LARP4B: variants seen among roughly 807,000 people sequenced by gnomAD.
LARP4B encodes la-related protein 4B.
A neutral mutation model predicts 89.8 loss-of-function variants in LARP4B; 12 were observed. That is an observed-to-expected ratio of 0.13 (90% CI 0.09 to 0.22). The LOEUF (loss-of-function observed/expected upper bound fraction) is 0.22. Among genes scored for constraint, LARP4B ranks in the 10% least tolerant of loss-of-function variants. LARP4B has a pLI of 1.00. For synonymous variants in LARP4B, 367 were observed against 363.3 expected (o/e 1.01, Z -0.12); for missense variants, 757 against 947.7 (o/e 0.80, Z 2.64).
intron 17 of LARP4B, among the ~76,000 whole-genome samples, chr10:813,472 T>C (rs997537594): frequency 1.3e-5 from 2 of 152,214 alleles, no homozygotes; most frequent in Non-Finnish European, 2.9e-5. Flanking sequence ...ACACCATCCC[T>C]ACCCAGCCCT....
intron 1 of LARP4B, among the ~76,000 whole-genome samples, chr10:889,390 A>G (rs1835951455): frequency 6.6e-6 from 1 of 151,772 alleles, no homozygotes; most frequent in Non-Finnish European, 1.5e-5. Context: ...ACCCACACTC[A>G]CTCACTCAGA....
chr10:880,799 G>A (rs1339752203), intron 3 of LARP4B, among the ~76,000 whole-genome samples: 1 of 152,166 alleles, frequency 6.6e-6, no homozygotes, highest in Non-Finnish European at 1.5e-5. Context: ...ACTATGATTA[G>A]AAAAGACTTG....
intron 5 of LARP4B, among the ~76,000 whole-genome samples, chr10:845,827 C>A (rs762476071): frequency 3.3e-5 from 5 of 152,136 alleles, no homozygotes; most frequent in African/African-American, 4.8e-5. Context: ...GTTTTTCCTG[C>A]CTTCCTATAT....
intron 3 of LARP4B, among the ~76,000 whole-genome samples, chr10:872,086 G>A (rs544976412): frequency 6.6e-6 from 1 of 152,326 alleles, no homozygotes; most frequent in African/African-American, 2.4e-5. Context: ...GTGAGTCACT[G>A]TCCATGTTGT....
chr10:830,837 A>G, intron 9 of LARP4B, 30 bp downstream of exon 9: 2 of 959,862 alleles, frequency 2.1e-6, no homozygotes, highest in Non-Finnish European at 3.4e-6. Context: ...AAACTATGCA[A>G]TTCATAGGGT....
At chr10:939,692 G>C in the LARP4B span, among the ~76,000 whole-genome samples, 1 of 152,176 alleles carries the variant, frequency 6.6e-6, no homozygotes, top group Non-Finnish European at 1.5e-5. Context: ...ATAAAGAAGA[G>C]GAATGAGTTG....
chr10:828,369 G>A (rs1306709193), intron 11 of LARP4B, among the ~76,000 whole-genome samples: 5 of 152,212 alleles, frequency 3.3e-5, no homozygotes, highest in East Asian at 1.9e-4. Flanking sequence ...TTCTGTACAC[G>A]TGTCTCCTTG....
intron 8 of LARP4B, among the ~76,000 whole-genome samples, chr10:831,276 C>CTTTTTT (rs76857973): frequency 8.2e-6 from 1 of 121,928 alleles, no homozygotes; most frequent in Admixed American, 8.0e-5. Flanking sequence ...AACTGCACAA[C>CTTTTTT]TTTTTTTTTT....
intron 3 of LARP4B, among the ~76,000 whole-genome samples, chr10:867,373 C>G (rs992225387): frequency 1.3e-5 from 2 of 152,026 alleles, no homozygotes; most frequent in Non-Finnish European, 2.9e-5. Flanking sequence ...AGTAACTTCC[C>G]CATAAAAACG....
intron 5 of LARP4B, among the ~76,000 whole-genome samples, chr10:862,267 A>C (rs1009807508): frequency 4.0e-5 from 6 of 149,284 alleles, no homozygotes; most frequent in Admixed American, 6.7e-5. Context: ...AAAAAAAAAA[A>C]AAAAAAAAAA....
intron 11 of LARP4B, among the ~76,000 whole-genome samples, chr10:827,797 G>C (rs767568052): frequency 6.6e-6 from 1 of 152,292 alleles, no homozygotes; most frequent in Middle Eastern, 3.4e-3. Flanking sequence ...CAGAGCCTAC[G>C]GACTCAAGTC....
intron 1 of LARP4B, among the ~76,000 whole-genome samples, chr10:925,732 C>T (rs910419885): frequency 3.3e-5 from 5 of 152,132 alleles, no homozygotes; most frequent in African/African-American, 1.2e-4. Context: ...CAGGTTTTCA[C>T]CATGTTGGCC....
chr10:812,870 A>G lies in LARP4B; in HGVS notation c.*56T>C, dbSNP rs1009375417. On this transcript the variant is annotated 3_prime_UTR_variant, in exon 18 of 18. Transcript: ENST00000316157. The stretch of plus-strand genomic sequence containing the variant: ...GGCTCGCCCTCGCACTGAGTGGGAG[A>G]GTGTCTCGTTTGTGGTTAACACAGC... 6.8e-7 allele frequency: 1 copy of G among 1,468,020 alleles called. No homozygotes were observed. The highest frequency in any genetic ancestry group is 9.0e-7 in the Non-Finnish European group (1 of 1,108,054). 90.9% of individuals were successfully genotyped at this position (1,468,020 alleles called of 1,614,324 possible).
the LARP4B span, among the ~76,000 whole-genome samples, chr10:960,065 C>T: frequency 1.2e-3 from 184 of 152,230 alleles, no homozygotes; most frequent in African/African-American, 4.2e-3. Context: ...AAAGAATGAG[C>T]GATCAAGCCA....
chr10:836,325 CA>C, intron 8 of LARP4B, 77 bp downstream of exon 8: 3 of 1,061,560 alleles, frequency 2.8e-6, no homozygotes, highest in Non-Finnish European at 4.3e-6. Flanking sequence ...CAAAAAAACA[CA>C]AAAGTAAAAT....
chr10:876,989 C>G (rs1287246031), intron 3 of LARP4B, among the ~76,000 whole-genome samples: 1 of 152,198 alleles, frequency 6.6e-6, no homozygotes, highest in Non-Finnish European at 1.5e-5. Context: ...CAAGCCACCA[C>G]TGGGCCCACT....
chr10:900,953 C>CT (rs1460175702), intron 1 of LARP4B, among the ~76,000 whole-genome samples: 1 of 99,336 alleles, frequency 1.0e-5, no homozygotes, highest in Non-Finnish European at 2.0e-5. Flanking sequence ...GAGTCTTGCT[C>CT]TTTTTGCCCA....
intron 3 of LARP4B, among the ~76,000 whole-genome samples, chr10:877,292 G>T (rs1227574388): frequency 6.6e-6 from 1 of 152,074 alleles, no homozygotes; most frequent in African/African-American, 2.4e-5. Flanking sequence ...GAGGTAGGAG[G>T]ATAACTTGAG....
At chr10:960,490 T>A in the LARP4B span, among the ~76,000 whole-genome samples, 1 of 152,014 alleles carries the variant, frequency 6.6e-6, no homozygotes, top group Non-Finnish European at 1.5e-5. Flanking sequence ...GTGGATCATT[T>A]GAGGTCAGGA....
Sources: allele counts gnomAD v4.1 joint callset (sites outside exome capture counted in the v4.1 genomes callset), GRCh38; gene constraint gnomAD v4.1.1; transcripts MANE v1.5; gene names NCBI Gene and HGNC (gene_info 2026-07-23, HGNC 2026-07-21).